The following HOXA3 variants were observed in gnomAD, a reference collection of about 807,000 sequenced individuals.
The protein encoded by HOXA3 is homeobox protein Hox-A3.
Under a neutral mutation model 30.3 loss-of-function variants are expected in HOXA3, and 8 were observed. The ratio of observed to expected loss-of-function variants is 0.26; its 90% CI spans 0.15 to 0.48. The LOEUF (loss-of-function observed/expected upper bound fraction) is 0.48. HOXA3 is among the 20% of genes least tolerant of loss of function. HOXA3 has a pLI of 0.99. For missense variants in HOXA3, 653 were observed against 614.4 expected, an observed-to-expected ratio of 1.06 and a Z score of -0.66; for synonymous variants, 323 against 273.1, an observed-to-expected ratio of 1.18 and a Z score of -1.80.
At chr7:27,117,343 G>T (rs376322769) in intron 4 of HOXA3, among the ~76,000 whole-genome samples, 1 of 152,144 alleles carries the variant, frequency 6.6e-6, no homozygotes. Flanking sequence ...CAGACCAGGC[G>T]CACTGATGAA....
chr7:27,147,641 G>A (rs1157128349), intron 1 of HOXA3: 7 of 1,614,098 alleles, frequency 4.3e-6, no homozygotes, highest in Non-Finnish European at 5.9e-6. Flanking sequence ...GCCGGGAAGG[G>A]CCTCAGCGCG....
At chr7:27,143,419 G>A (rs1465488845) in intron 1 of HOXA3, 2 of 1,612,014 alleles carry the variant, frequency 1.2e-6, no homozygotes, top group South Asian at 1.1e-5. Flanking sequence ...CGGAGCCAAA[G>A]TGGCCGGAGC....
intron 4 of HOXA3, among the ~76,000 whole-genome samples, chr7:27,118,143 A>C (rs555269406): frequency 6.6e-6 from 1 of 152,334 alleles, no homozygotes; most frequent in Non-Finnish European, 1.5e-5. Context: ...ATCGGCGGAA[A>C]TACCTTAAAA....
chr7:27,145,898 A>G, intron 1 of HOXA3: 11 of 1,613,190 alleles, frequency 6.8e-6, no homozygotes, highest in Non-Finnish European at 9.3e-6. Flanking sequence ...CTCGGCGCCC[A>G]TGGCTCCCAT....
chr7:27,107,510 A>AC lies in HOXA3; in HGVS notation c.*404_*405insG. Reference sequence around the variant, plus strand: ...ACTCTTTACAAGAAGTGCAATTAAAAAAAAAATTTAAAATTAAAAAAAGTA... The same window carrying AC: ...ACTCTTTACAAGAAGTGCAATTAAAACAAAAAATTTAAAATTAAAAAAAGTA... On this transcript the variant is annotated 3_prime_UTR_variant, in exon 6 of 6. Transcript: ENST00000612286. 6.3e-6 allele frequency: 1 copy of AC among 159,306 alleles called. No homozygotes were observed. The highest frequency in any genetic ancestry group is 2.4e-5 in the African/African-American group (1 of 41,866). The allele number at this position is 159,306 out of a possible 1,614,324, so 9.9% of individuals were successfully genotyped here.
intron 2 of HOXA3, 51 bp downstream of exon 2, chr7:27,140,032 A>AGAGAG (rs768977757): frequency 1.4e-5 from 2 of 138,212 alleles, no homozygotes; most frequent in Admixed American, 1.4e-4. Flanking sequence ...AGAGAGAGAG[A>AGAGAG]AAGTTTCCAA....
At chr7:27,110,788 G>A in intron 4 of HOXA3, 28 bp from the exon 5 acceptor site, 1 of 1,214,160 alleles carries the variant, frequency 8.2e-7, no homozygotes, top group South Asian at 1.4e-5. Context: ...GCAGCGCGGT[G>A]AGGGCTCCGC....
At chr7:27,134,826 A>G (rs1785666350) in intron 2 of HOXA3, among the ~76,000 whole-genome samples, 1 of 152,196 alleles carries the variant, frequency 6.6e-6, no homozygotes, top group Non-Finnish European at 1.5e-5. Flanking sequence ...ATCAACCAAA[A>G]TATTGGGATG....
chr7:27,122,052 T>C (rs1251326423), intron 4 of HOXA3: 1 of 152,652 alleles, frequency 6.6e-6, no homozygotes, highest in African/African-American at 2.4e-5. Flanking sequence ...ATTTTTCTCA[T>C]GCCGAAGGAA....
At chr7:27,139,935 C>G (rs904748053) in intron 2 of HOXA3, 148 bp downstream of exon 2, 2 of 151,648 alleles carry the variant, frequency 1.3e-5, no homozygotes, top group Non-Finnish European at 1.5e-5. Context: ...CCTGGCGCTG[C>G]TCTTTTGGGC....
intron 2 of HOXA3, among the ~76,000 whole-genome samples, chr7:27,138,768 T>C (rs1785793597): frequency 6.6e-6 from 1 of 152,220 alleles, no homozygotes; most frequent in South Asian, 2.1e-4. Flanking sequence ...GAGACTGTTC[T>C]GGAAATCATA....
At chr7:27,124,208 G>T (rs543101439) in intron 3 of HOXA3, 1 of 152,372 alleles carries the variant, frequency 6.6e-6, no homozygotes, top group East Asian at 1.9e-4. Flanking sequence ...TGCCGCCGCC[G>T]CCGTGGCCTC....
chr7:27,152,197 T>G lies in HOXA3; in HGVS notation c.-494+91A>C, dbSNP rs535706305. 5.5e-6 allele frequency: 4 copies of G among 725,332 alleles called. No individual in the cohort carries two copies. In the South Asian group the frequency reaches 7.0e-5, roughly 13 times the overall value. 44.9% of individuals were successfully genotyped at this position (725,332 alleles called of 1,614,324 possible). A position where few individuals can be genotyped will look rare whatever the true frequency, so the allele number is the denominator to read the frequency against. ...ATGGGTAAGGGGGAGTATGCCCCTC[T>G]TAAAGCCTCCCTGGGTGCCCTCTCC... On this transcript the variant is annotated intron_variant, in intron 1 of 5. Coordinates refer to ENST00000612286, the MANE Select transcript of HOXA3 (RefSeq NM_153631.3).
At chr7:27,120,833 A>T (rs1048915385) in intron 4 of HOXA3, 4 of 152,254 alleles carry the variant, frequency 2.6e-5, no homozygotes, top group African/African-American at 9.6e-5. Flanking sequence ...TGGGCAGCCT[A>T]TCTGGGGAAC....
At chr7:27,130,327 A>T (rs1416496517) in intron 2 of HOXA3, 2 of 1,100,726 alleles carry the variant, frequency 1.8e-6, no homozygotes, top group East Asian at 1.0e-4. Context: ...CTGGGGCTGC[A>T]GGACGTGGCT....
intron 1 of HOXA3, among the ~76,000 whole-genome samples, chr7:27,146,258 T>TGG (rs1013737783): frequency 6.6e-6 from 1 of 151,506 alleles, no homozygotes; most frequent in Admixed American, 6.6e-5. Flanking sequence ...TGTTTGTGTG[T>TGG]GTGTGTGTGT....
chr7:27,141,677 T>C, intron 1 of HOXA3: 3 of 843,236 alleles, frequency 3.6e-6, no homozygotes, highest in Non-Finnish European at 5.5e-6. Context: ...ACAGGCGCTA[T>C]AATGGCAATA....
chr7:27,140,033 A>AGAGAGAG (rs1281735462), intron 2 of HOXA3, 50 bp downstream of exon 2: 11 of 118,838 alleles, frequency 9.3e-5, no homozygotes, highest in African/African-American at 3.2e-4. Context: ...GAGAGAGAGA[A>AGAGAGAG]AGTTTCCAAA....
chr7:27,130,057 A>ACCCTCGAACCCAGGCCCAGCCCCGG, intron 2 of HOXA3: 1 of 1,516,326 alleles, frequency 6.6e-7, no homozygotes, highest in African/African-American at 1.4e-5. Flanking sequence ...CCTGACCCCG[A>ACCCTCGAACCCAGGCCCAGCCCCGG]CCCTCGAACC....
Sources: allele counts gnomAD v4.1 joint callset (sites outside exome capture counted in the v4.1 genomes callset), GRCh38; gene constraint gnomAD v4.1.1; transcripts MANE v1.5; gene names NCBI Gene and HGNC (gene_info 2026-07-23, HGNC 2026-07-21).